ITPR2: variants seen among roughly 807,000 people sequenced by gnomAD.
ITPR2 encodes the protein inositol 1,4,5-trisphosphate-gated calcium channel ITPR2.
ITPR2 carries 207 observed loss-of-function variants against 317.1 expected under a neutral mutation model. The observed-to-expected ratio is 0.65, with a 90% CI of 0.58 to 0.73. The LOEUF (loss-of-function observed/expected upper bound fraction) is 0.73. Ranked by LOEUF, ITPR2 falls within the 30% of genes least tolerant of loss-of-function variation. ITPR2 has a pLI of 0.00. For synonymous variants in ITPR2, 1,156 were observed against 1,149.1 expected (o/e 1.01, Z -0.12); for missense variants, 2,613 against 3,284.0 (o/e 0.80, Z 4.99).
At chr12:26,757,404 C>T (rs1004663752) in intron 2 of ITPR2, among the ~76,000 whole-genome samples, 5 of 152,098 alleles carry the variant, frequency 3.3e-5, no homozygotes, top group African/African-American at 4.8e-5. Flanking sequence ...TTAGGACAGA[C>T]AGGGCTTTGC....
At chr12:26,530,222 C>T (rs1162352432) in intron 37 of ITPR2, among the ~76,000 whole-genome samples, 3 of 152,122 alleles carry the variant, frequency 2.0e-5, no homozygotes, top group Non-Finnish European at 2.9e-5. Flanking sequence ...AGCAAGGGCC[C>T]CAATGTCCCA....
At chr12:26,799,044 A>T (rs904696510) in intron 1 of ITPR2, among the ~76,000 whole-genome samples, 2 of 152,254 alleles carry the variant, frequency 1.3e-5, no homozygotes, top group African/African-American at 2.4e-5. Context: ...TAATTTCAAT[A>T]ATGTTGACAA....
intron 36 of ITPR2, 34 bp downstream of exon 36, chr12:26,556,199 G>T: frequency 1.2e-6 from 2 of 1,604,444 alleles, no homozygotes; most frequent in South Asian, 1.1e-5. Context: ...TCAGTTTGAC[G>T]ACACTAGCAG....
intron 48 of ITPR2, among the ~76,000 whole-genome samples, chr12:26,429,540 G>C (rs554269014): frequency 6.6e-5 from 10 of 152,194 alleles, no homozygotes; most frequent in African/African-American, 2.4e-4. Flanking sequence ...TGACCTCACA[G>C]ATCTCAAAGA....
intron 21 of ITPR2, among the ~76,000 whole-genome samples, chr12:26,633,990 T>A (rs1034639935): frequency 5.9e-5 from 9 of 152,206 alleles, no homozygotes; most frequent in Non-Finnish European, 1.3e-4. Flanking sequence ...CAAATATAGA[T>A]CCTGTCACCA....
At chr12:26,482,509 T>G (rs187112426) in intron 42 of ITPR2, among the ~76,000 whole-genome samples, 93 of 152,338 alleles carry the variant, frequency 6.1e-4, no homozygotes, top group African/African-American at 2.1e-3. Context: ...GTACAAGTTT[T>G]TATCAACAAC....
At chr12:26,556,772 T>TAAA (rs762624049) in intron 35 of ITPR2, among the ~76,000 whole-genome samples, 2 of 94,612 alleles carry the variant, frequency 2.1e-5, no homozygotes, top group African/African-American at 3.1e-5. Context: ...GGGAACAGCT[T>TAAA]AAAAAAAAAA....
At chr12:26,390,791 AAAAC>A (rs1939809348) in intron 54 of ITPR2, among the ~76,000 whole-genome samples, 1 of 152,218 alleles carries the variant, frequency 6.6e-6, no homozygotes, top group South Asian at 2.1e-4. Flanking sequence ...AAAACACTAA[AAAAC>A]AAAAGAGAGA....
At chr12:26,596,273 T>C (rs1268983462) in intron 31 of ITPR2, among the ~76,000 whole-genome samples, 1 of 152,238 alleles carries the variant, frequency 6.6e-6, no homozygotes, top group Non-Finnish European at 1.5e-5. Context: ...AACCTTTCAG[T>C]TTGATCATAT....
intron 1 of ITPR2, among the ~76,000 whole-genome samples, chr12:26,827,917 C>T (rs1180846576): frequency 2.6e-5 from 4 of 152,170 alleles, no homozygotes; most frequent in Non-Finnish European, 5.9e-5. Context: ...TTTAACAATT[C>T]GTACGCCTTT....
intron 30 of ITPR2, among the ~76,000 whole-genome samples, chr12:26,597,450 A>G (rs756057836): frequency 2.0e-5 from 3 of 152,164 alleles, no homozygotes; most frequent in Non-Finnish European, 4.4e-5. Context: ...ATTTTCCTCT[A>G]CTTTTTTTTG....
chr12:26,708,402 A>T (rs1592058434), intron 9 of ITPR2, among the ~76,000 whole-genome samples: 1 of 152,228 alleles, frequency 6.6e-6, no homozygotes, highest in Non-Finnish European at 1.5e-5. Flanking sequence ...TTCACAGTGG[A>T]ATATTATTCA....
intron 45 of ITPR2, among the ~76,000 whole-genome samples, chr12:26,465,343 G>T (rs1462909058): frequency 2.6e-5 from 4 of 152,206 alleles, no homozygotes; most frequent in Non-Finnish European, 2.9e-5. Context: ...GGCAGTGACT[G>T]GTGGCCTCAC....
intron 2 of ITPR2, among the ~76,000 whole-genome samples, chr12:26,777,627 G>A (rs937635867): frequency 1.2e-4 from 18 of 152,158 alleles, no homozygotes; most frequent in Admixed American, 1.0e-3. Context: ...ATTGATAAAT[G>A]CATTCCTACT....
intron 39 of ITPR2, among the ~76,000 whole-genome samples, chr12:26,493,652 G>A (rs910557610): frequency 2.6e-5 from 4 of 152,008 alleles, no homozygotes; most frequent in African/African-American, 7.3e-5. Context: ...TTGTACACAT[G>A]TATCAAAATA....
At chr12:26,487,285 C>A (rs543749597) in intron 39 of ITPR2, 34 bp from the exon 40 acceptor site, 3 of 1,475,590 alleles carry the variant, frequency 2.0e-6, no homozygotes, top group African/African-American at 2.8e-5. Context: ...CATCAATACC[C>A]AAGGGGAGAC....
At chr12:26,452,400 T>C (rs1158119296) in intron 45 of ITPR2, among the ~76,000 whole-genome samples, 1 of 152,072 alleles carries the variant, frequency 6.6e-6, no homozygotes, top group South Asian at 2.1e-4. Context: ...GAGATTAGGA[T>C]CAGAAATATA....
intron 45 of ITPR2, among the ~76,000 whole-genome samples, chr12:26,461,390 C>A (rs1341749703): frequency 1.3e-5 from 2 of 152,050 alleles, no homozygotes; most frequent in East Asian, 1.9e-4. Context: ...AGCATGCCAC[C>A]TGTTTTTTAA....
rs558970267 is a variant in ITPR2, at chr12:26,409,594, T to C, written c.7399+1726A>G. ...GCTTACATACAGTTTCCATCACATGTTTTTCTTGAAAAAAAAAATTTACAA... is the reference window on the plus strand; with the variant it reads ...GCTTACATACAGTTTCCATCACATGCTTTTCTTGAAAAAAAAAATTTACAA... On this transcript the variant is annotated intron_variant, in intron 52 of 56. Transcript: ENST00000381340. Among the ~76,000 whole-genome samples, 8 of 152,230 alleles carry C rather than the reference T, an allele frequency of 5.3e-5. No homozygotes were observed. The East Asian group carries it at 1.5e-3, about 29-fold the overall frequency.
Sources: allele counts gnomAD v4.1 joint callset (sites outside exome capture counted in the v4.1 genomes callset), GRCh38; gene constraint gnomAD v4.1.1; transcripts MANE v1.5; gene names NCBI Gene and HGNC (gene_info 2026-07-23, HGNC 2026-07-21).